The following PAIP2 variants were observed in gnomAD, a reference collection of about 807,000 sequenced individuals.
PAIP2 encodes the protein poly(A) binding protein interacting protein 2.
PAIP2 carries 7 observed loss-of-function variants against 14.8 expected under a neutral mutation model. The observed-to-expected ratio is 0.47, with a 90% CI of 0.27 to 0.89. The LOEUF is 0.89. PAIP2 is among the 40% of genes least tolerant of loss of function. The pLI, the probability that PAIP2 is intolerant of heterozygous loss-of-function variation, is 0.13. For missense variants in PAIP2, 122 were observed against 154.7 expected, an observed-to-expected ratio of 0.79 and a Z score of 1.12; for synonymous variants, 47 against 45.3, an observed-to-expected ratio of 1.04 and a Z score of -0.15.
rs760958654 is a variant in PAIP2, at chr5:139,364,738, C to G, written c.313C>G (p.Leu105Val). 1.3e-6 allele frequency: 2 copies of G among 1,594,108 alleles called. No individual in the cohort carries two copies. Among genetic ancestry groups the G allele is most frequent in the African/African-American group, 1.3e-5 (1 of 74,160 alleles). The part of the protein sequence containing the change: ...VISDGSSLED[L>V]VVKSNLNPNA... The stretch of plus-strand genomic sequence containing the variant: ...CAGTGATGGCTCTTCTCTGGAAGAT[C>G]TTGTGGTAAAAAGTTATTTTTCATC... Residue 105 changes from leucine (L) to valine (V), a missense_variant, in exon 3 of 4, where the codon CTT (leucine) becomes GTT (valine). Transcript: ENST00000265192.
chr5:139,353,326 A>G (rs750199571), intron 1 of PAIP2, among the ~76,000 whole-genome samples: 12 of 152,142 alleles, frequency 7.9e-5, no homozygotes, highest in Non-Finnish European at 1.0e-4. Context: ...GGAGAAAAGC[A>G]TTCTCTCAGC....
chr5:139,352,373 T>G (rs1756760738), intron 1 of PAIP2, among the ~76,000 whole-genome samples: 1 of 152,066 alleles, frequency 6.6e-6, no homozygotes, highest in Non-Finnish European at 1.5e-5. Flanking sequence ...CATTTTTTAT[T>G]TTTGATATAT....
chr5:139,342,638 GGAGGGCGTT>G (rs1269988787), intron 1 of PAIP2: 2 of 152,074 alleles, frequency 1.3e-5, no homozygotes, highest in African/African-American at 2.4e-5. Flanking sequence ...CCTTACCCTA[GGAGGGCGTT>G]GAGTTAGATG....
chr5:139,342,593 G>GA (rs1298399992), intron 1 of PAIP2: 5 of 152,252 alleles, frequency 3.3e-5, no homozygotes, highest in Non-Finnish European at 7.4e-5. Flanking sequence ...TGCAGCTCAT[G>GA]CCCTGGAAAA....
chr5:139,347,268 CTTTTTT>C (rs34018719), intron 1 of PAIP2, among the ~76,000 whole-genome samples: 12 of 105,872 alleles, frequency 1.1e-4, no homozygotes, highest in Admixed American at 8.3e-4. Flanking sequence ...CATGTTACAA[CTTTTTT>C]TTTTTTTTTT....
chr5:139,361,935 CAA>C (rs34168919), intron 1 of PAIP2, among the ~76,000 whole-genome samples: 16 of 99,982 alleles, frequency 1.6e-4, no homozygotes, highest in East Asian at 4.3e-4. Context: ...GACCCTGTCT[CAA>C]AAAAAAAAAA....
chr5:139,345,426 A>G (rs1002125766), intron 1 of PAIP2, among the ~76,000 whole-genome samples: 6 of 152,164 alleles, frequency 3.9e-5, no homozygotes, highest in African/African-American at 1.2e-4. Context: ...AGAGTGGAAA[A>G]CAGACCAATT....
In PAIP2 at chr5:139,357,720, A is replaced by G. The variant is rs190131213; in HGVS notation, c.-26-6039A>G. ...GTGGCACGCGCCTGTAGTCCCAGCT[A>G]CTTGTGAGGCTGAGGAAGGAGAATC... is the stretch of plus-strand genomic sequence containing the variant. On this transcript the variant is annotated intron_variant, in intron 1 of 3. Transcript: ENST00000265192. Among the ~76,000 whole-genome samples, 218 of 152,306 alleles carry G rather than the reference A, an allele frequency of 1.4e-3. 2 individuals are homozygous for G. The highest frequency in any genetic ancestry group is 5.0e-3 in the African/African-American group (206 of 41,572).
intron 1 of PAIP2, chr5:139,343,171 TTC>T (rs1480711607): frequency 1.3e-5 from 2 of 152,242 alleles, no homozygotes; most frequent in African/African-American, 2.4e-5. Context: ...GCTTTTGTGA[TTC>T]TGTTTCCAGT....
At chr5:139,349,405 T>C (rs1012598017) in intron 1 of PAIP2, among the ~76,000 whole-genome samples, 4 of 152,076 alleles carry the variant, frequency 2.6e-5, no homozygotes, top group Admixed American at 2.6e-4. Flanking sequence ...CACACCACCA[T>C]GCCTGGCTAA....
chr5:139,354,598 C>G (rs1037402498), intron 1 of PAIP2, among the ~76,000 whole-genome samples: 1 of 152,038 alleles, frequency 6.6e-6, no homozygotes, highest in Non-Finnish European at 1.5e-5. Flanking sequence ...TCAAATGTTT[C>G]TGAACTATTC....
chr5:139,354,863 C>T (rs575949457), intron 1 of PAIP2, among the ~76,000 whole-genome samples: 11 of 150,900 alleles, frequency 7.3e-5, no homozygotes, highest in South Asian at 2.1e-4. Flanking sequence ...CTCTGTTACC[C>T]GGGCTGGAGT....
chr5:139,347,139 T>G (rs1322913714), intron 1 of PAIP2, among the ~76,000 whole-genome samples: 2 of 152,066 alleles, frequency 1.3e-5, no homozygotes, highest in Non-Finnish European at 2.9e-5. Context: ...GAAAGAAAAT[T>G]GATTTTCTAC....
Position 139,342,385 on chromosome 5 carries a change from G to T in PAIP2, c.-27+405G>T, listed in dbSNP as rs528216214. 4.6e-5 allele frequency: 7 copies of T among 151,886 alleles called. No homozygotes were observed. The East Asian group carries it at 1.4e-3, about 30-fold the overall frequency. The allele number at this position is 151,886 out of a possible 1,614,324, so 9.4% of individuals were successfully genotyped here. On this transcript the variant is annotated intron_variant, in intron 1 of 3. Transcript: ENST00000265192. ...AGCTTATTGTTTCTACCCACTTTAC[G>T]CCTGCGCGTCGCCACGCGCAGCCCC...
intron 1 of PAIP2, among the ~76,000 whole-genome samples, chr5:139,361,076 C>T (rs946983799): frequency 6.6e-6 from 1 of 152,052 alleles, no homozygotes; most frequent in African/African-American, 2.4e-5. Flanking sequence ...CCACAGTGCC[C>T]GGCCTGCCTT....
At chr5:139,348,366 T>G (rs999599264) in intron 1 of PAIP2, among the ~76,000 whole-genome samples, 1 of 150,760 alleles carries the variant, frequency 6.6e-6, no homozygotes, top group Admixed American at 6.6e-5. Context: ...TTTTTTTTTT[T>G]TTTTTTGAGA....
At chr5:139,351,315 T>TAA (rs879691647) in intron 1 of PAIP2, among the ~76,000 whole-genome samples, 1 of 139,066 alleles carries the variant, frequency 7.2e-6, no homozygotes, top group Admixed American at 7.2e-5. Flanking sequence ...TTGTCTCTAC[T>TAA]AAAAAAAAAA....
chr5:139,344,090 C>G (rs960789563), intron 1 of PAIP2, among the ~76,000 whole-genome samples: 4 of 152,130 alleles, frequency 2.6e-5, no homozygotes, highest in African/African-American at 9.7e-5. Flanking sequence ...TTCTCATTGC[C>G]TTTACAAATA....
chr5:139,358,676 A>AT (rs1756986539), intron 1 of PAIP2, among the ~76,000 whole-genome samples: 1 of 152,240 alleles, frequency 6.6e-6, no homozygotes, highest in Non-Finnish European at 1.5e-5. Context: ...TTGTTTGGCA[A>AT]TAAAAAGGAA....
Sources: allele counts gnomAD v4.1 joint callset (sites outside exome capture counted in the v4.1 genomes callset), GRCh38; gene constraint gnomAD v4.1.1; transcripts MANE v1.5; gene names NCBI Gene and HGNC (gene_info 2026-07-23, HGNC 2026-07-21).